Variants in SPIDR observed in about 807,000 individuals in gnomAD.
The protein encoded by SPIDR is scaffold protein involved in DNA repair, also known as DNA repair-scaffolding protein.
In SPIDR, 93 loss-of-function variants were observed where a neutral mutation model predicts 104.6. The observed-to-expected ratio is 0.89, with a 90% CI of 0.75 to 1.06. SPIDR has a LOEUF of 1.06. SPIDR is among the 50% of genes least tolerant of loss of function. The pLI, the probability that SPIDR is intolerant of heterozygous loss-of-function variation, is 0.00. For synonymous variants in SPIDR, 431 were observed against 416.9 expected, an observed-to-expected ratio of 1.03 and a Z score of -0.41; for missense variants, 1,154 against 1,111.2, an observed-to-expected ratio of 1.04 and a Z score of -0.55.
At chr8:47,654,793 G>A (rs1330505630) in intron 10 of SPIDR, among the ~76,000 whole-genome samples, 1 of 152,072 alleles carries the variant, frequency 6.6e-6, no homozygotes, top group Non-Finnish European at 1.5e-5. Context: ...TGTTACATAT[G>A]TATACACGTG....
intron 19 of SPIDR, among the ~76,000 whole-genome samples, chr8:47,730,685 G>A (rs1191237523): frequency 6.6e-6 from 1 of 152,024 alleles, no homozygotes; most frequent in Non-Finnish European, 1.5e-5. Context: ...GGGCTCAAAC[G>A]ATCCCCCTGC....
chr8:47,637,512 A>G (rs986931872), intron 10 of SPIDR, among the ~76,000 whole-genome samples: 5 of 152,132 alleles, frequency 3.3e-5, no homozygotes, highest in Admixed American at 1.3e-4. Flanking sequence ...AGAGGTTGCA[A>G]TGAGCCGAGA....
At chr8:47,707,131 G>A (rs1446501574) in intron 14 of SPIDR, among the ~76,000 whole-genome samples, 2 of 151,448 alleles carry the variant, frequency 1.3e-5, no homozygotes, top group African/African-American at 4.9e-5. Flanking sequence ...GTGCACGCCT[G>A]TAGTCCCAGC....
intron 11 of SPIDR, among the ~76,000 whole-genome samples, chr8:47,681,962 TCAGTG>T (rs2077146057): frequency 6.6e-6 from 1 of 152,156 alleles, no homozygotes; most frequent in Non-Finnish European, 1.5e-5. Flanking sequence ...TCATGAATCT[TCAGTG>T]ATTTAATTAA....
chr8:47,693,463 T>C (rs1379088981), intron 11 of SPIDR, among the ~76,000 whole-genome samples: 2 of 152,218 alleles, frequency 1.3e-5, no homozygotes, highest in Non-Finnish European at 2.9e-5. Flanking sequence ...TGAAATGCCA[T>C]GTGTCCTTAC....
chr8:47,543,570 G>A (rs988183398), intron 8 of SPIDR, among the ~76,000 whole-genome samples: 1 of 152,126 alleles, frequency 6.6e-6, no homozygotes, highest in Admixed American at 6.5e-5. Context: ...TGCCCAATGG[G>A]TTGGCTAAGT....
chr8:47,280,217 ATTTTTTATTTT>A (rs1283568842), intron 2 of SPIDR, among the ~76,000 whole-genome samples, 200 bp downstream of exon 2: 3 of 149,286 alleles, frequency 2.0e-5, no homozygotes, highest in African/African-American at 5.0e-5. Context: ...TCACCTTTTT[ATTTTTTATTTT>A]TTTTTTATTT....
chr8:47,512,772 C>CG (rs2082548642), intron 8 of SPIDR, among the ~76,000 whole-genome samples: 1 of 152,020 alleles, frequency 6.6e-6, no homozygotes, highest in Non-Finnish European at 1.5e-5. Context: ...CAAAGTATTG[C>CG]GGGGGAGGCA....
At chr8:47,370,388 G>C (rs553965763) in intron 5 of SPIDR, among the ~76,000 whole-genome samples, 1 of 147,830 alleles carries the variant, frequency 6.8e-6, no homozygotes, top group South Asian at 2.2e-4. Flanking sequence ...TTCTGCTGTT[G>C]TTATTTAGAG....
chr8:47,511,994 T>C, intron 8 of SPIDR: 2 of 783,756 alleles, frequency 2.6e-6, no homozygotes, highest in Non-Finnish European at 4.6e-6. Flanking sequence ...GAAATGGTTA[T>C]GATGTCTTCT....
At position 47,362,031 on chromosome 8, in the gene SPIDR, A is replaced by G. The variant is rs540490611; in HGVS notation, c.526-34345A>G. Among the ~76,000 whole-genome samples the G allele has an allele frequency of 3.3e-5, 5 of 152,332 alleles. No individual in the cohort carries two copies. The South Asian group carries it at 1.0e-3, about 32-fold the overall frequency. ...ACCTCGAAGTATCCACAGTGAGCCCAGCACAGCGTACTGGTGGCCAGAAGT... is the reference window on the plus strand; with the variant it reads ...ACCTCGAAGTATCCACAGTGAGCCCGGCACAGCGTACTGGTGGCCAGAAGT... On this transcript the variant is annotated intron_variant, in intron 5 of 19. Coordinates refer to ENST00000297423, the MANE Select transcript of SPIDR (RefSeq NM_001080394.4).
In SPIDR at chr8:47,375,232, G is replaced by C. The variant is rs552970501; in HGVS notation, c.526-21144G>C. ...AATAGATTGAGTTAAGAGTTAATAG[G>C]CTTTTTTTTTTTTTTTTTTTTTTTT... On this transcript the variant is annotated intron_variant, in intron 5 of 19. Transcript: ENST00000297423. Among the ~76,000 whole-genome samples, 14 of 108,920 alleles carry C rather than the reference G, an allele frequency of 1.3e-4. No individual in the cohort carries two copies. In the South Asian group the frequency reaches 2.8e-3, roughly 22 times the overall value. 71.5% of individuals were successfully genotyped at this position (108,920 alleles called of 152,430 possible).
rs754422206 is a variant in SPIDR, at chr8:47,720,550, A to G, written c.2342-6650A>G. Among the ~76,000 whole-genome samples the G allele has an allele frequency of 1.2e-4, 19 of 152,186 alleles. 1 individual carries two copies. Among genetic ancestry groups the G allele is most frequent in the Admixed American group, 5.2e-4 (8 of 15,280 alleles). On this transcript the variant is annotated intron_variant, in intron 16 of 19. Coordinates refer to ENST00000297423, the MANE Select transcript of SPIDR (RefSeq NM_001080394.4). ...GTAGTAGTATCTCACTGCTGCTTCAATTTGCAATTCCTTAATGACATATGA... is the reference window on the plus strand; with the variant it reads ...GTAGTAGTATCTCACTGCTGCTTCAGTTTGCAATTCCTTAATGACATATGA...
rs369947118 is a variant in SPIDR, at chr8:47,351,713, A to G, written c.526-44663A>G. ...AAAAAACAAAACTTGATTTTGCCAC[A>G]TTGAGTACTACACTGAATGAAGTGA... On this transcript the variant is annotated intron_variant, in intron 5 of 19. Transcript: ENST00000297423. 2.6e-4 allele frequency among the ~76,000 whole-genome samples: 39 copies of G among 152,324 alleles called. 1 individual carries two copies. The highest frequency in any genetic ancestry group is 9.1e-4 in the African/African-American group (38 of 41,574).
chr8:47,640,675 T>TG (rs2068721814), intron 10 of SPIDR, among the ~76,000 whole-genome samples: 2 of 10,978 alleles, frequency 1.8e-4, no homozygotes, highest in Non-Finnish European at 3.1e-4. Flanking sequence ...TTTTTGTTTG[T>TG]TTTTTGTTGT....
At chr8:47,421,806 T>G (rs782420906) in intron 7 of SPIDR, among the ~76,000 whole-genome samples, 1 of 152,366 alleles carries the variant, frequency 6.6e-6, no homozygotes, top group Non-Finnish European at 1.5e-5. Flanking sequence ...TTTCCTTTTC[T>G]GTTTGTTAAT....
intron 1 of SPIDR, among the ~76,000 whole-genome samples, chr8:47,277,850 A>G (rs1586219945): frequency 6.6e-6 from 1 of 151,148 alleles, no homozygotes; most frequent in African/African-American, 2.4e-5. Context: ...AATTTTTTGC[A>G]TTTTTGGTAG....
intron 8 of SPIDR, among the ~76,000 whole-genome samples, chr8:47,484,353 T>A (rs1160401351): frequency 6.6e-6 from 1 of 152,248 alleles, no homozygotes; most frequent in African/African-American, 2.4e-5. Context: ...CTGCTGTGAA[T>A]TTGTTGGTAA....
At chr8:47,295,532 CCATGTAAGTAAGAT>C (rs1325001383) in intron 5 of SPIDR, among the ~76,000 whole-genome samples, 185 of 152,196 alleles carry the variant, frequency 1.2e-3, no homozygotes, top group African/African-American at 4.3e-3. Flanking sequence ...TTTAGATTCC[CCATGTAAGTAAGAT>C]CATGCTGTAT....
Sources: gnomAD v4.1 joint callset for allele counts (sites outside exome capture counted in the v4.1 genomes callset) on GRCh38, gnomAD v4.1.1 for gene constraint, MANE v1.5 for transcripts, NCBI Gene and HGNC (gene_info 2026-07-23, HGNC 2026-07-21) for gene names.